Variants in CNTNAP5 observed in about 807,000 individuals in gnomAD.
The protein encoded by CNTNAP5 is contactin associated protein family member 5.
CNTNAP5 carries 72 observed loss-of-function variants against 150.2 expected under a neutral mutation model. The observed-to-expected ratio is 0.48, with a 90% CI of 0.40 to 0.58. The LOEUF (loss-of-function observed/expected upper bound fraction) is 0.58. Among genes scored for constraint, CNTNAP5 ranks in the 20% least tolerant of loss-of-function variants. The pLI is 0.00. For missense variants in CNTNAP5, 1,636 were observed against 1,626.2 expected, an observed-to-expected ratio of 1.01 and a Z score of -0.10; for synonymous variants, 672 against 619.8, an observed-to-expected ratio of 1.08 and a Z score of -1.25.
At chr2:124,625,934 C>A (rs1902004) in intron 12 of CNTNAP5, among the ~76,000 whole-genome samples, 63,204 of 151,978 alleles carry the variant, frequency 0.42, 15,429 homozygotes, top group Non-Finnish European at 0.56. Flanking sequence ...GGTCAAGTTG[C>A]CTAACTTTTA....
intron 3 of CNTNAP5, among the ~76,000 whole-genome samples, chr2:124,263,116 G>T (rs1247939766): frequency 6.6e-6 from 1 of 152,160 alleles, no homozygotes; most frequent in African/African-American, 2.4e-5. Context: ...ACATACGTGT[G>T]TGTGTGCCTT....
chr2:124,126,779 C>T (rs62163883), intron 1 of CNTNAP5, among the ~76,000 whole-genome samples: 21,793 of 152,056 alleles, frequency 0.14, 1,770 homozygotes, highest in Non-Finnish European at 0.19. Flanking sequence ...AAATGTAATC[C>T]ATCATATAAA....
chr2:124,388,302 C>T (rs13388613), intron 3 of CNTNAP5, among the ~76,000 whole-genome samples: 6,346 of 152,246 alleles, frequency 0.042, 148 homozygotes, highest in African/African-American at 0.042. Context: ...AGAGGGACTC[C>T]TGGTCTGCAG....
chr2:124,510,518 T>TATACACACACACAC (rs10641959), intron 8 of CNTNAP5, among the ~76,000 whole-genome samples: 5 of 124,918 alleles, frequency 4.0e-5, no homozygotes, highest in African/African-American at 1.6e-4. Context: ...TATATATATA[T>TATACACACACACAC]ACATATATCT....
At chr2:124,148,312 A>G (rs1684305678) in intron 1 of CNTNAP5, among the ~76,000 whole-genome samples, 1 of 151,390 alleles carries the variant, frequency 6.6e-6, no homozygotes, top group East Asian at 1.9e-4. Flanking sequence ...AAAAAAAGAA[A>G]GAAAAAAAAG....
chr2:124,166,125 A>T (rs907093529), intron 1 of CNTNAP5, among the ~76,000 whole-genome samples: 1 of 152,148 alleles, frequency 6.6e-6, no homozygotes, highest in Admixed American at 6.6e-5. Context: ...CTAATAATGC[A>T]GACAAAATTC....
chr2:124,144,075 C>T (rs1249122553), intron 1 of CNTNAP5, among the ~76,000 whole-genome samples: 3 of 144,720 alleles, frequency 2.1e-5, no homozygotes, highest in African/African-American at 7.7e-5. Context: ...CCTAGGAATC[C>T]AACTTACAAG....
intron 1 of CNTNAP5, among the ~76,000 whole-genome samples, chr2:124,122,042 G>C (rs1454960724): frequency 6.6e-6 from 1 of 152,164 alleles, no homozygotes; most frequent in East Asian, 1.9e-4. Flanking sequence ...ATGATGGGGA[G>C]AAAGGAGATG....
chr2:124,434,504 GA>G lies in CNTNAP5; in HGVS notation c.551del (p.Asp184ValfsTer14), dbSNP rs1408252954. On this transcript the variant is annotated frameshift_variant, in exon 5 of 24. Transcript: ENST00000682447. LOFTEE classifies it high-confidence loss of function. ...CSYKSDVADF[D>X]GRSSLLYRFN... ...CCCAGAATCAGATGTTGCTGACTTT[GA>G]TGGCCGAAGCTCACTTCTGTACAGG... is the stretch of plus-strand genomic sequence containing the variant. The G allele has an allele frequency of 6.2e-7, 1 of 1,613,836 alleles. No homozygotes were observed. The highest frequency in any genetic ancestry group is 2.2e-5 in the East Asian group (1 of 44,874).
intron 21 of CNTNAP5, among the ~76,000 whole-genome samples, chr2:124,898,564 G>C (rs1024848423): frequency 6.6e-6 from 1 of 151,484 alleles, no homozygotes; most frequent in Non-Finnish European, 1.5e-5. Flanking sequence ...AGAAATAAAG[G>C]TGTTTGCAAA....
At chr2:124,371,693 G>A (rs1013934021) in intron 3 of CNTNAP5, among the ~76,000 whole-genome samples, 1 of 152,156 alleles carries the variant, frequency 6.6e-6, no homozygotes, top group Non-Finnish European at 1.5e-5. Flanking sequence ...CAGTAAATGT[G>A]GAGGGAGATA....
chr2:124,401,491 G>A (rs1393620570), intron 3 of CNTNAP5, among the ~76,000 whole-genome samples: 2 of 152,182 alleles, frequency 1.3e-5, no homozygotes, highest in African/African-American at 4.8e-5. Context: ...AAAGTTCATA[G>A]TGTTCTAGGA....
intron 3 of CNTNAP5, among the ~76,000 whole-genome samples, chr2:124,266,786 C>T (rs72962871): frequency 1.3e-3 from 204 of 152,240 alleles, no homozygotes; most frequent in African/African-American, 4.6e-3. Flanking sequence ...AACTCAGCCC[C>T]GTCAGCCAAT....
In CNTNAP5 at chr2:124,401,944, C is replaced by T. The variant is rs543921256; in HGVS notation, c.382-15499C>T. ...ACTTAATGGAAGACATTACCCCCTG[C>T]AACCTTCACGGGTTTACTGAGTAAC... On this transcript the variant is annotated intron_variant, in intron 3 of 23. Transcript: ENST00000682447. 2.6e-5 allele frequency among the ~76,000 whole-genome samples: 4 copies of T among 152,236 alleles called. No individual in the cohort carries two copies. In the East Asian group the frequency reaches 7.8e-4, roughly 30 times the overall value.
intron 1 of CNTNAP5, among the ~76,000 whole-genome samples, chr2:124,050,658 A>G (rs1681671767): frequency 6.6e-6 from 1 of 152,080 alleles, no homozygotes; most frequent in Admixed American, 6.6e-5. Context: ...GTCCCTCCTT[A>G]CATGGTACCT....
chr2:124,146,095 A>C (rs912721995), intron 1 of CNTNAP5, among the ~76,000 whole-genome samples: 3 of 152,282 alleles, frequency 2.0e-5, no homozygotes, highest in African/African-American at 7.2e-5. Flanking sequence ...ACCTGCTAAC[A>C]AAGAGAAAGG....
intron 1 of CNTNAP5, among the ~76,000 whole-genome samples, chr2:124,088,884 G>A (rs1682757542): frequency 6.6e-6 from 1 of 152,168 alleles, no homozygotes; most frequent in South Asian, 2.1e-4. Context: ...CTCGGCCTTT[G>A]CATGAGTAAA....
chr2:124,318,279 A>G (rs1689016410), intron 3 of CNTNAP5, among the ~76,000 whole-genome samples: 1 of 152,210 alleles, frequency 6.6e-6, no homozygotes, highest in South Asian at 2.1e-4. Flanking sequence ...TTTTTTAAAA[A>G]CATTAACATC....
At chr2:124,581,213 ATTC>A (rs1696402556) in intron 11 of CNTNAP5, among the ~76,000 whole-genome samples, 1 of 152,202 alleles carries the variant, frequency 6.6e-6, no homozygotes, top group Non-Finnish European at 1.5e-5. Context: ...ATTCTTCAAA[ATTC>A]TTCTCCGAAC....
Sources: allele counts gnomAD v4.1 joint callset (sites outside exome capture counted in the v4.1 genomes callset), GRCh38; gene constraint gnomAD v4.1.1; transcripts MANE v1.5; gene names NCBI Gene and HGNC (gene_info 2026-07-23, HGNC 2026-07-21).